The following AMOTL1 variants were observed in gnomAD, a reference collection of about 807,000 sequenced individuals.
AMOTL1 encodes angiomotin like 1.
A neutral mutation model predicts 102.9 loss-of-function variants in AMOTL1; 45 were observed. That is an observed-to-expected ratio of 0.44 (90% CI 0.34 to 0.56). The LOEUF is 0.56. Among genes scored for constraint, AMOTL1 ranks in the 20% least tolerant of loss-of-function variants. The pLI is 0.01. For synonymous variants in AMOTL1, 481 were observed against 484.7 expected, an observed-to-expected ratio of 0.99 and a Z score of 0.10; for missense variants, 1,114 against 1,225.6, an observed-to-expected ratio of 0.91 and a Z score of 1.36.
rs148078942 is a variant in AMOTL1 at position 94,760,309 on chromosome 11, C to T, written c.136+19321C>T. On this transcript the variant is annotated intron_variant, in intron 3 of 4. Coordinates refer to the AMOTL1 transcript ENST00000299004. Reference sequence around the variant, plus strand: ...TTCTCTCCTCTATTTAATTTGAAACCCCTATTGTATATACCTTACATCACA... The same window carrying T: ...TTCTCTCCTCTATTTAATTTGAAACTCCTATTGTATATACCTTACATCACA... Among the ~76,000 whole-genome samples the T allele has an allele frequency of 4.1e-3, 617 of 152,210 alleles. 13 individuals are homozygous for T. The highest frequency in any genetic ancestry group is 0.035 in the South Asian group (167 of 4,810).
intron 6 of AMOTL1, among the ~76,000 whole-genome samples, chr11:94,832,842 CTG>C (rs1952101847): frequency 6.6e-6 from 1 of 152,196 alleles, no homozygotes; most frequent in African/African-American, 2.4e-5. Flanking sequence ...GTTGTACACT[CTG>C]TGGATACTTT....
chr11:94,870,061 G>A (rs1952965416), intron 12 of AMOTL1, among the ~76,000 whole-genome samples: 1 of 152,194 alleles, frequency 6.6e-6, no homozygotes, highest in Non-Finnish European at 1.5e-5. Context: ...GGCCTCTTAA[G>A]GCACTCCTCT....
At chr11:94,768,296 G>A (rs553165809), upstream of AMOTL1, 10 of 1,339,792 alleles carry the variant, frequency 7.5e-6, no homozygotes, top group South Asian at 3.6e-5. Flanking sequence ...TTCTAGTGAC[G>A]AGCCCGGGCG....
At chr11:94,837,731 T>A (rs190304500) in intron 6 of AMOTL1, among the ~76,000 whole-genome samples, 1 of 152,350 alleles carries the variant, frequency 6.6e-6, no homozygotes. Flanking sequence ...ATTGAAGAAG[T>A]GCCTATTGGT....
intron 1 of AMOTL1, among the ~76,000 whole-genome samples, chr11:94,783,310 A>G (rs1267623245): frequency 6.6e-6 from 1 of 152,184 alleles, no homozygotes; most frequent in East Asian, 1.9e-4. Flanking sequence ...TACCCTCCAC[A>G]TAGAAAATTC....
chr11:94,724,625 C>T lies in AMOTL1; in HGVS notation c.-50-4296C>T, dbSNP rs147930291. Among the ~76,000 whole-genome samples the T allele has an allele frequency of 8.1e-3, 1,234 of 152,210 alleles. 12 individuals are homozygous for T. Among genetic ancestry groups the T allele is most frequent in the Non-Finnish European group, 0.012 (834 of 68,002 alleles). On this transcript the variant is annotated intron_variant, in intron 1 of 4. Coordinates refer to the AMOTL1 transcript ENST00000299004. ...CTTGGTATGTTGTTCTGTAATGATA[C>T]GTTCATATACATGTCTCCTCCTCAA...
At chr11:94,746,853 C>T (rs777418522) in intron 3 of AMOTL1, among the ~76,000 whole-genome samples, 5 of 152,106 alleles carry the variant, frequency 3.3e-5, no homozygotes, top group Non-Finnish European at 5.9e-5. Flanking sequence ...CTGTGGCCAC[C>T]TTATTCTTCT....
chr11:94,749,481 A>G (rs181994615), intron 3 of AMOTL1, among the ~76,000 whole-genome samples: 2 of 152,242 alleles, frequency 1.3e-5, no homozygotes, highest in East Asian at 3.9e-4. Context: ...ACCCAGAAAT[A>G]ATGCATTGTC....
At chr11:94,708,853 T>C (rs4753612) in intron 1 of AMOTL1, among the ~76,000 whole-genome samples, 70,775 of 151,848 alleles carry the variant, frequency 0.47, 18,306 homozygotes, top group Middle Eastern at 0.58. Flanking sequence ...GTACTACCAA[T>C]TGAGTACAGG....
chr11:94,788,872 A>T (rs530963028), intron 1 of AMOTL1, among the ~76,000 whole-genome samples: 24 of 152,256 alleles, frequency 1.6e-4, no homozygotes, highest in Non-Finnish European at 2.5e-4. Flanking sequence ...TATTCAACAC[A>T]CATTCCACTT....
intron 3 of AMOTL1, among the ~76,000 whole-genome samples, chr11:94,759,141 C>G (rs1950762026): frequency 6.6e-6 from 1 of 152,028 alleles, no homozygotes; most frequent in African/African-American, 2.4e-5. Flanking sequence ...AAAAAGTGCC[C>G]TTTTTGTCAC....
chr11:94,807,541 TA>T (rs1326645209), intron 3 of AMOTL1, among the ~76,000 whole-genome samples: 12 of 152,326 alleles, frequency 7.9e-5, no homozygotes, highest in African/African-American at 2.9e-4. Context: ...AACAGAAAAC[TA>T]TCAAGAGTAG....
intron 4 of AMOTL1, among the ~76,000 whole-genome samples, chr11:94,828,874 C>G (rs946996205): frequency 6.6e-6 from 1 of 152,120 alleles, no homozygotes; most frequent in Non-Finnish European, 1.5e-5. Flanking sequence ...TCAACCCCAT[C>G]AGCTTTGCCT....
intron 2 of AMOTL1, among the ~76,000 whole-genome samples, chr11:94,733,099 G>C (rs781597819): frequency 6.6e-6 from 1 of 152,352 alleles, no homozygotes; most frequent in East Asian, 1.9e-4. Context: ...AGAAAACTGA[G>C]TCTTGCAAAG....
chr11:94,869,569 C>T (rs569082435), intron 12 of AMOTL1, 96 bp downstream of exon 12: 4 of 1,383,024 alleles, frequency 2.9e-6, no homozygotes, highest in Non-Finnish European at 2.9e-6. Context: ...CAGGGGCACC[C>T]ATCAGCTCTT....
chr11:94,768,188 A>T, upstream of AMOTL1: 1 of 852,110 alleles, frequency 1.2e-6, no homozygotes, highest in Non-Finnish European at 1.4e-6. Flanking sequence ...GGGCAATTTC[A>T]GCCTGGCAGT....
At chr11:94,852,629 T>C (rs1213649317) in intron 7 of AMOTL1, among the ~76,000 whole-genome samples, 3 of 152,220 alleles carry the variant, frequency 2.0e-5, no homozygotes, top group African/African-American at 7.2e-5. Context: ...AAGTTGTTGG[T>C]CATAATTCTA....
intron 6 of AMOTL1, among the ~76,000 whole-genome samples, chr11:94,834,617 T>TAATA (rs1249947976): frequency 6.6e-6 from 1 of 150,608 alleles, no homozygotes; most frequent in Non-Finnish European, 1.5e-5. Context: ...TGTCTTGGAG[T>TAATA]AATACATACC....
intron 3 of AMOTL1, among the ~76,000 whole-genome samples, chr11:94,808,965 CTTTTTTTTTTTT>C (rs199619372): frequency 2.7e-5 from 3 of 111,908 alleles, no homozygotes; most frequent in Admixed American, 1.7e-4. Context: ...TTCTTTCTTT[CTTTTTTTTTTTT>C]TTTTTTTTTT....
Sources: allele counts gnomAD v4.1 joint callset (sites outside exome capture counted in the v4.1 genomes callset), GRCh38; gene constraint gnomAD v4.1.1; transcripts MANE v1.5; gene names NCBI Gene and HGNC (gene_info 2026-07-23, HGNC 2026-07-21).